The following SOS1 variants were observed in gnomAD, a reference collection of about 807,000 sequenced individuals.
The protein encoded by SOS1 is SOS Ras/Rac guanine nucleotide exchange factor 1.
A neutral mutation model predicts 157.6 loss-of-function variants in SOS1; 25 were observed. The observed-to-expected ratio is 0.16, with a 90% confidence interval of 0.12 to 0.22. The LOEUF is 0.22. Ranked by LOEUF, SOS1 falls within the 10% of genes least tolerant of loss-of-function variation. The pLI is 1.00. For missense variants in SOS1, 1,237 were observed against 1,599.1 expected (o/e 0.77, Z 3.86); for synonymous variants, 528 against 534.0 (o/e 0.99, Z 0.16).
chr2:39,123,082 TTCTG>T (rs1195664625), upstream of SOS1, among the ~76,000 whole-genome samples: 2 of 152,180 alleles, frequency 1.3e-5, no homozygotes, highest in Admixed American at 1.3e-4. Context: ...CACAGTAGCC[TTCTG>T]TCTATTCCTA....
rs532914498 is a variant in SOS1, at chr2:39,008,423, A to G, written c.2511-1230T>C. Among the ~76,000 whole-genome samples the G allele has an allele frequency of 6.6e-5, 10 of 152,304 alleles. No homozygotes were observed. The South Asian group carries it at 1.9e-3, about 28-fold the overall frequency. ...GCCCTGTTTCAAACAGATAGCTCCT[A>G]ATTTCTTGTCATTTGCAACAAAGTA... On this transcript the variant is annotated intron_variant, in intron 15 of 22. Transcript: ENST00000402219.
chr2:39,033,936 T>G (rs947370210), intron 8 of SOS1, among the ~76,000 whole-genome samples: 1 of 151,716 alleles, frequency 6.6e-6, no homozygotes, highest in South Asian at 2.1e-4. Context: ...AAAAAAAAAA[T>G]CCCGTTATTA....
chr2:38,989,438 T>C (rs1473999956), intron 20 of SOS1, 124 bp from the exon 21 acceptor site: 3 of 691,150 alleles, frequency 4.3e-6, no homozygotes, highest in Non-Finnish European at 7.9e-6. Context: ...GCTGTAACAG[T>C]TTATAGTAAA....
intron 1 of SOS1, among the ~76,000 whole-genome samples, chr2:39,078,700 T>C (rs1040271522): frequency 4.6e-5 from 7 of 152,042 alleles, no homozygotes; most frequent in African/African-American, 1.7e-4. Flanking sequence ...GTGAAAGAGT[T>C]TTATCCCCAA....
intron 2 of SOS1, among the ~76,000 whole-genome samples, chr2:39,063,888 A>AGTGGCG (rs1296696767): frequency 6.6e-6 from 1 of 151,836 alleles, no homozygotes; most frequent in Non-Finnish European, 1.5e-5. Flanking sequence ...TCAAGAGTGC[A>AGTGGCG]GTGGCGCGAT....
intron 1 of SOS1, among the ~76,000 whole-genome samples, chr2:39,095,596 T>G (rs1199654922): frequency 6.6e-6 from 1 of 152,208 alleles, no homozygotes; most frequent in Admixed American, 6.5e-5. Context: ...GGGGCAGAAG[T>G]GCGTTTCCTA....
At chr2:39,071,689 A>T (rs6734212) in intron 1 of SOS1, among the ~76,000 whole-genome samples, 35 of 152,268 alleles carry the variant, frequency 2.3e-4, no homozygotes, top group African/African-American at 8.4e-4. Flanking sequence ...TCAAGAAAGT[A>T]TGATTAAGTT....
At chr2:39,005,187 T>C (rs1669245788) in intron 17 of SOS1, among the ~76,000 whole-genome samples, 1 of 152,174 alleles carries the variant, frequency 6.6e-6, no homozygotes, top group Non-Finnish European at 1.5e-5. Context: ...AGCTAAAAGT[T>C]ACATGAATGT....
chr2:39,069,750 G>T (rs985394262), intron 1 of SOS1, among the ~76,000 whole-genome samples: 1 of 152,092 alleles, frequency 6.6e-6, no homozygotes, highest in Non-Finnish European at 1.5e-5. Flanking sequence ...GTTTCACCAC[G>T]TTGGCCAGGC....
intron 21 of SOS1, among the ~76,000 whole-genome samples, chr2:38,988,414 AAGTT>A (rs1668616630): frequency 6.6e-6 from 1 of 152,150 alleles, no homozygotes; most frequent in African/African-American, 2.4e-5. Context: ...AACAACACTT[AAGTT>A]AGTTGTTTAT....
rs1558491235 is a variant in SOS1 at position 39,054,779 on chromosome 2, TATATTA to T, written c.549_554del (p.Asn184_Ile185del). The T allele has an allele frequency of 6.4e-7, 1 of 1,568,500 alleles. No homozygotes were observed. The highest frequency in any genetic ancestry group is 8.8e-7 in the Non-Finnish European group (1 of 1,138,700). On this transcript the variant is annotated inframe_deletion, in exon 5 of 23. Transcript: ENST00000402219. ...AAGGCTCTTCGTCAGTTAAAGATAATATATTAATATCTTCTACATCTTGATGAAACA... is the reference window on the plus strand; with the variant it reads ...AAGGCTCTTCGTCAGTTAAAGATAATATATCTTCTACATCTTGATGAAACA...
intron 15 of SOS1, among the ~76,000 whole-genome samples, chr2:39,008,480 G>A (rs1471135832): frequency 6.6e-6 from 1 of 152,210 alleles, no homozygotes; most frequent in African/African-American, 2.4e-5. Flanking sequence ...GTGCCCTTAG[G>A]AACAGTGGAA....
intron 1 of SOS1, among the ~76,000 whole-genome samples, chr2:39,093,356 T>C (rs1672656601): frequency 6.6e-6 from 1 of 152,244 alleles, no homozygotes; most frequent in Non-Finnish European, 1.5e-5. Flanking sequence ...GTGTACTCTA[T>C]AGCAAAGTAC....
At chr2:39,117,498 C>CA (rs548912436) in intron 1 of SOS1, among the ~76,000 whole-genome samples, 85 of 152,012 alleles carry the variant, frequency 5.6e-4, no homozygotes, top group African/African-American at 2.0e-3. Context: ...CTGGCTAAAG[C>CA]AAAAAGGAGA....
intron 1 of SOS1, among the ~76,000 whole-genome samples, chr2:39,075,139 TA>T (rs1217933118): frequency 6.6e-6 from 1 of 152,032 alleles, no homozygotes; most frequent in Admixed American, 6.5e-5. Context: ...GAAGCAAAAC[TA>T]GTTGGAATGA....
intron 1 of SOS1, among the ~76,000 whole-genome samples, chr2:39,080,424 G>A (rs1416635192): frequency 2.6e-5 from 4 of 152,180 alleles, no homozygotes; most frequent in Non-Finnish European, 5.9e-5. Context: ...GTTCCTAACA[G>A]GCCATGGACC....
At chr2:39,020,594 C>G (rs1572828272) in intron 10 of SOS1, among the ~76,000 whole-genome samples, 1 of 151,674 alleles carries the variant, frequency 6.6e-6, no homozygotes. Flanking sequence ...AGGAGAAGAG[C>G]AGACCAGTAG....
intron 17 of SOS1, among the ~76,000 whole-genome samples, chr2:39,000,248 CA>C (rs2124485416): frequency 6.6e-6 from 1 of 152,288 alleles, no homozygotes; most frequent in African/African-American, 2.4e-5. Context: ...GCTAAAAGAA[CA>C]AATGATCACA....
At position 38,986,056 on chromosome 2, in the gene SOS1, G is replaced by T; in HGVS notation, c.3770C>A (p.Thr1257Lys). ...AFFPNSPSPF[T>K]PPPPQTPSPH... ...AGAAGGTGTTTGAGGAGGAGGTGGT[G>T]TAAAGGGGGAAGGGCTGTTTGGGAA... is the stretch of plus-strand genomic sequence containing the variant. The change falls in exon 23 of 23, where the codon ACA (threonine) becomes AAA (lysine). Residue 1257 changes from threonine (T) to lysine (K), a missense_variant. Coordinates refer to ENST00000402219, the MANE Select transcript of SOS1 (RefSeq NM_005633.4). 1 of 1,613,962 alleles carries T rather than the reference G, an allele frequency of 6.2e-7. No individual in the cohort carries two copies. Among genetic ancestry groups the T allele is most frequent in the Non-Finnish European group, 8.5e-7 (1 of 1,179,920 alleles).
Sources: allele counts gnomAD v4.1 joint callset (sites outside exome capture counted in the v4.1 genomes callset), GRCh38; gene constraint gnomAD v4.1.1; transcripts MANE v1.5; gene names NCBI Gene and HGNC (gene_info 2026-07-23, HGNC 2026-07-21).